Variants in APOLD1 observed in about 807,000 individuals in gnomAD.
APOLD1 encodes the protein apolipoprotein L domain containing 1.
APOLD1 carries 22 observed loss-of-function variants against 15.3 expected under a neutral mutation model. The observed-to-expected ratio is 1.44, with a 90% CI of 1.03 to 2.05. APOLD1 has a LOEUF of 2.05. APOLD1 is among the 30% of genes most tolerant of loss of function. APOLD1 has a pLI of 0.00. For synonymous variants in APOLD1, 190 were observed against 167.4 expected (o/e 1.13, Z -1.04); for missense variants, 394 against 353.5 (o/e 1.11, Z -0.92).
intron 1 of APOLD1, among the ~76,000 whole-genome samples, chr12:12,776,745 A>G (rs1338052019): frequency 6.6e-6 from 1 of 152,212 alleles, no homozygotes; most frequent in Non-Finnish European, 1.5e-5. Context: ...CCCTCAGCAA[A>G]AAGCAATGAA....
intron 1 of APOLD1, among the ~76,000 whole-genome samples, chr12:12,750,413 A>G (rs1946803566): frequency 6.7e-6 from 1 of 149,506 alleles, no homozygotes; most frequent in African/African-American, 2.5e-5. Flanking sequence ...GGGAAGATAC[A>G]TTTTGGACTT....
intron 1 of APOLD1, among the ~76,000 whole-genome samples, chr12:12,756,208 TTG>T (rs1256548308): frequency 5.9e-5 from 9 of 152,232 alleles, no homozygotes; most frequent in Non-Finnish European, 1.3e-4. Context: ...GTTTATGTTG[TTG>T]TGTTTTTAAC....
chr12:12,734,623 G>A (rs901055452), intron 1 of APOLD1, among the ~76,000 whole-genome samples: 1 of 152,180 alleles, frequency 6.6e-6, no homozygotes, highest in African/African-American at 2.4e-5. Flanking sequence ...TGTGGATCAG[G>A]TTATTTTTCA....
rs1279312046 is a variant in APOLD1 at position 12,788,349 on chromosome 12, C to T, written c.*697C>T. The T allele has an allele frequency of 1.3e-5, 2 of 152,250 alleles. No homozygotes were observed. The highest frequency in any genetic ancestry group is 6.5e-5 in the Admixed American group (1 of 15,282). The allele number at this position is 152,250 out of a possible 1,614,324, so 9.4% of individuals were successfully genotyped here. A position where few individuals can be genotyped will look rare whatever the true frequency, so the allele number is the denominator to read the frequency against. On this transcript the variant is annotated 3_prime_UTR_variant, in exon 2 of 2. Transcript: ENST00000356591. The stretch of plus-strand genomic sequence containing the variant: ...CTAAGTCCTGCTCCCTCACATGAAG[C>T]TGAGGGCCAGATAGATGGAGCGACT...
upstream of APOLD1, among the ~76,000 whole-genome samples, chr12:12,781,683 A>ACCG (rs1947082668): frequency 6.6e-6 from 1 of 151,270 alleles, no homozygotes; most frequent in African/African-American, 2.4e-5. Context: ...GCCTGCCACC[A>ACCG]TGCCCGGCTA....
chr12:12,771,603 G>A, intron 1 of APOLD1: 1 of 510,836 alleles, frequency 2.0e-6, no homozygotes. Context: ...ATCGAGGCCT[G>A]TGTCCTGTTC....
chr12:12,786,695 T>C (rs1235840583), intron 1 of APOLD1: 1 of 985,436 alleles, frequency 1.0e-6, no homozygotes, highest in Non-Finnish European at 1.2e-6. Flanking sequence ...TATGCAGAGA[T>C]AAGGTCCTGA....
chr12:12,783,620 G>T (rs940904734), upstream of APOLD1, among the ~76,000 whole-genome samples: 27 of 127,508 alleles, frequency 2.1e-4, no homozygotes, highest in South Asian at 2.0e-3. Flanking sequence ...GCCCCAGTTG[G>T]TTTTTTTTTG....
Position 12,733,928 on chromosome 12 carries a change from T to C in APOLD1, c.96+7832T>C, listed in dbSNP as rs139201513. On this transcript the variant is annotated intron_variant, in intron 1 of 1. Coordinates refer to the APOLD1 transcript ENST00000326765. ...CGGTATTTCAAATTTGAAATAATTA[T>C]TTTTACAATTTCTTGAACATGGAAT... Among the ~76,000 whole-genome samples the C allele has an allele frequency of 5.9e-4, 90 of 152,374 alleles. 1 individual carries two copies. The East Asian group carries it at 9.6e-3, about 16-fold the overall frequency.
chr12:12,785,026 A>G (rs188768105), upstream of APOLD1, among the ~76,000 whole-genome samples: 95 of 152,304 alleles, frequency 6.2e-4, no homozygotes, highest in African/African-American at 2.1e-3. Context: ...TTTCTGATGC[A>G]TGTGACCTGG....
intron 1 of APOLD1, among the ~76,000 whole-genome samples, chr12:12,778,015 C>CT (rs368094970): frequency 2.0e-3 from 307 of 150,760 alleles, no homozygotes; most frequent in African/African-American, 7.2e-3. Flanking sequence ...CCTCTGCCTC[C>CT]TGGGGCTGAA....
intron 1 of APOLD1, among the ~76,000 whole-genome samples, chr12:12,755,187 C>G (rs1946848077): frequency 1.3e-5 from 2 of 152,190 alleles, no homozygotes; most frequent in Admixed American, 6.5e-5. Flanking sequence ...AAAATCAACA[C>G]TCCATACCTG....
chr12:12,758,771 C>T (rs922766803), intron 1 of APOLD1, among the ~76,000 whole-genome samples: 7 of 152,154 alleles, frequency 4.6e-5, no homozygotes, highest in Non-Finnish European at 7.3e-5. Flanking sequence ...CACAGTGTCA[C>T]CGATAGAGTC....
rs1286073596 is a variant in APOLD1 at position 12,790,915 on chromosome 12, TA to T, written c.*3267del. 6.6e-6 allele frequency: 1 copy of T among 152,216 alleles called. No individual in the cohort carries two copies. Among genetic ancestry groups the T allele is most frequent in the Non-Finnish European group, 1.5e-5 (1 of 68,042 alleles). The allele number at this position is 152,216 out of a possible 1,614,324, so 9.4% of individuals were successfully genotyped here. ...ACAAACAGGTTGAAATGGTATGTTG[TA>T]AAAGAGAAGACGGGAGAGAGGTATT... On this transcript the variant is annotated 3_prime_UTR_variant, in exon 2 of 2. Transcript: ENST00000356591.
intron 1 of APOLD1, among the ~76,000 whole-genome samples, chr12:12,739,983 A>ATT (rs56013011): frequency 1.4e-5 from 2 of 138,604 alleles, no homozygotes; most frequent in Non-Finnish European, 3.1e-5. Flanking sequence ...CATCCGGCTA[A>ATT]TTTTTTTTTT....
upstream of APOLD1, among the ~76,000 whole-genome samples, chr12:12,785,223 T>C (rs1163574557): frequency 6.6e-6 from 1 of 152,228 alleles, no homozygotes; most frequent in Non-Finnish European, 1.5e-5. Context: ...CAGTGGAGTA[T>C]GAGCGGCTAT....
intron 1 of APOLD1, among the ~76,000 whole-genome samples, chr12:12,740,649 A>G (rs1452137830): frequency 1.3e-5 from 2 of 152,242 alleles, no homozygotes; most frequent in Non-Finnish European, 2.9e-5. Flanking sequence ...ACAGATAATT[A>G]TAAGCCTTAA....
intron 1 of APOLD1, among the ~76,000 whole-genome samples, chr12:12,757,699 G>C (rs976038176): frequency 2.0e-5 from 3 of 151,758 alleles, no homozygotes; most frequent in African/African-American, 7.3e-5. Flanking sequence ...TTATTGAGAG[G>C]TAATTCACGT....
intron 1 of APOLD1, among the ~76,000 whole-genome samples, chr12:12,758,503 C>G (rs1047846594): frequency 3.3e-5 from 5 of 152,170 alleles, no homozygotes; most frequent in African/African-American, 1.2e-4. Flanking sequence ...CAAGATTGCA[C>G]CACTGCACTC....
Sources: allele counts gnomAD v4.1 joint callset (sites outside exome capture counted in the v4.1 genomes callset), GRCh38; gene constraint gnomAD v4.1.1; transcripts MANE v1.5; gene names NCBI Gene and HGNC (gene_info 2026-07-23, HGNC 2026-07-21).